LETM2: variants seen among roughly 807,000 people sequenced by gnomAD.
LETM2 encodes the protein leucine zipper and EF-hand containing transmembrane protein 2.
Under a neutral mutation model 59.6 loss-of-function variants are expected in LETM2, and 58 were observed. The observed-to-expected ratio is 0.97, with a 90% CI of 0.79 to 1.21. The LOEUF (loss-of-function observed/expected upper bound fraction) is 1.21. LETM2 is among the 50% of genes most tolerant of loss of function. The pLI is 0.00. For synonymous variants in LETM2, 199 were observed against 214.1 expected (o/e 0.93, Z 0.62); for missense variants, 572 against 575.7 (o/e 0.99, Z 0.07).
chr8:38,382,958 C>T (rs1028015118), upstream of LETM2: 2 of 152,178 alleles, frequency 1.3e-5, no homozygotes, highest in Non-Finnish European at 2.9e-5. The surrounding 1 kb of genome is among the most constrained non-coding windows in gnomAD (Gnocchi z 4.2). Flanking sequence ...GCCTCGACCT[C>T]CCCGGCAGGC....
intron 4 of LETM2, among the ~76,000 whole-genome samples, chr8:38,399,994 A>C (rs1813050790): frequency 6.6e-6 from 1 of 152,024 alleles, no homozygotes; most frequent in Admixed American, 6.6e-5. Context: ...TCTCGTGCTA[A>C]ATAATTATAA....
intron 2 of LETM2, among the ~76,000 whole-genome samples, chr8:38,390,208 G>A (rs566888726): frequency 3.0e-4 from 46 of 151,810 alleles, no homozygotes; most frequent in Admixed American, 8.5e-4. Context: ...ACCAAGCCAG[G>A]CATGGTGCAT....
chr8:38,404,783 T>C (rs2150452452), intron 8 of LETM2: 1 of 319,748 alleles, frequency 3.1e-6, no homozygotes, highest in Non-Finnish European at 6.0e-6. Context: ...AGTTTGAAAC[T>C]AGCCTGACCA....
At chr8:38,392,078 C>T (rs143629243) in intron 2 of LETM2, among the ~76,000 whole-genome samples, 24 of 152,266 alleles carry the variant, frequency 1.6e-4, no homozygotes, top group African/African-American at 5.1e-4. Flanking sequence ...ATAGGCAAGG[C>T]GGTATTATGT....
chr8:38,406,792 T>C, intron 8 of LETM2, 154 bp from the exon 9 acceptor site: 1 of 548,466 alleles, frequency 1.8e-6, no homozygotes, highest in East Asian at 2.8e-5. Context: ...AGGGGCATAT[T>C]TCATAGGTTA....
At chr8:38,384,878 G>C (rs1323343022), upstream of LETM2, among the ~76,000 whole-genome samples, 10 of 152,164 alleles carry the variant, frequency 6.6e-5, no homozygotes, top group Non-Finnish European at 1.2e-4. Context: ...ATATTTCCCC[G>C]TATAAAATGT....
chr8:38,403,757 T>A (rs1357691117), intron 7 of LETM2, among the ~76,000 whole-genome samples: 2 of 152,230 alleles, frequency 1.3e-5, no homozygotes, highest in African/African-American at 4.8e-5. Flanking sequence ...TAGAGAAAGA[T>A]CCTTAAAATC....
Position 38,402,606 on chromosome 8 carries a change from G to T in LETM2, c.1066G>T (p.Gly356Cys), listed in dbSNP as rs755785230. 1 of 1,614,004 alleles carries T rather than the reference G, an allele frequency of 6.2e-7. No individual in the cohort carries two copies. The highest frequency in any genetic ancestry group is 1.3e-5 in the African/African-American group (1 of 74,918). The change falls in exon 7 of 11, where the codon GGT becomes TGT. Residue 356 changes from glycine (G) to cysteine (C), a missense_variant. Coordinates refer to ENST00000379957, the MANE Select transcript of LETM2 (RefSeq NM_001286819.2). ...ACRARGMRSL[G>C]LTEEQLRQQL... is the part of the protein sequence containing the mutation. ...TAGGGCCCGAGGGATGAGATCACTGGGTCTCACGGAGGAACAACTGCGACA... is the reference window on the plus strand; with the variant it reads ...TAGGGCCCGAGGGATGAGATCACTGTGTCTCACGGAGGAACAACTGCGACA...
chr8:38,384,999 A>G (rs1293525556), upstream of LETM2, among the ~76,000 whole-genome samples: 1 of 152,218 alleles, frequency 6.6e-6, no homozygotes, highest in East Asian at 1.9e-4. Flanking sequence ...AACTACATCT[A>G]CCTTCTAGAG....
intron 2 of LETM2, 36 bp from the exon 3 acceptor site, chr8:38,392,506 T>G (rs764241907): frequency 2.5e-6 from 3 of 1,202,476 alleles, no homozygotes; most frequent in Non-Finnish European, 3.6e-6. Context: ...TGTAATAGTA[T>G]GTACTTAACT....
intron 2 of LETM2, 52 bp from the exon 3 acceptor site, chr8:38,392,490 G>A: frequency 2.9e-6 from 3 of 1,041,968 alleles, no homozygotes; most frequent in Non-Finnish European, 4.4e-6. Context: ...ATGATAGTGT[G>A]TGCTTTGTAA....
chr8:38,399,325 A>G (rs1298761877), intron 4 of LETM2, among the ~76,000 whole-genome samples: 1 of 152,124 alleles, frequency 6.6e-6, no homozygotes, highest in East Asian at 1.9e-4. Context: ...CACTTAACTC[A>G]CTGTATTGTA....
chr8:38,400,788 C>A, intron 5 of LETM2, 65 bp from the exon 6 acceptor site: 2 of 1,381,010 alleles, frequency 1.4e-6, no homozygotes, highest in Non-Finnish European at 1.0e-6. Flanking sequence ...TTTCAAATAG[C>A]CTATTGGGAA....
intron 8 of LETM2, among the ~76,000 whole-genome samples, chr8:38,406,088 GAT>G (rs1010959572): frequency 3.1e-4 from 47 of 152,234 alleles, no homozygotes; most frequent in African/African-American, 7.7e-4. Flanking sequence ...AAAGCACAGT[GAT>G]ATATGTTTTT....
At chr8:38,404,350 TG>T (rs1554538667) in intron 7 of LETM2, 42 bp from the exon 8 acceptor site, 1 of 1,339,682 alleles carries the variant, frequency 7.5e-7, no homozygotes, top group Non-Finnish European at 1.1e-6. Flanking sequence ...ACTCTGGCTC[TG>T]GTGTTCTGAT....
chr8:38,407,176 C>G, intron 9 of LETM2, 138 bp downstream of exon 9: 1 of 718,406 alleles, frequency 1.4e-6, no homozygotes, highest in Non-Finnish European at 2.4e-6. Context: ...ATTTATTGTA[C>G]TGTTTGATCT....
chr8:38,390,827 T>G (rs1417158151), intron 2 of LETM2, among the ~76,000 whole-genome samples: 9 of 149,000 alleles, frequency 6.0e-5, no homozygotes, highest in Admixed American at 1.3e-4. Context: ...GGACTACAGG[T>G]GCACTCCACC....
chr8:38,383,089 C>T (rs1426817184), upstream of LETM2: 8 of 152,240 alleles, frequency 5.3e-5, no homozygotes, highest in South Asian at 1.2e-3. Context: ...ACCGCGACGG[C>T]TCCGTGACCG....
chr8:38,401,135 AT>A (rs1243993903), intron 6 of LETM2, 82 bp downstream of exon 6: 2 of 1,195,848 alleles, frequency 1.7e-6, no homozygotes, highest in East Asian at 2.4e-5. Flanking sequence ...AGTGTGCAGT[AT>A]TTTTTGTTTT....
Sources: gnomAD v4.1 joint callset for allele counts (sites outside exome capture counted in the v4.1 genomes callset) on GRCh38, gnomAD v4.1.1 for gene constraint, Gnocchi (gnomAD v3.1) non-coding constraint, MANE v1.5 for transcripts, NCBI Gene and HGNC (gene_info 2026-07-23, HGNC 2026-07-21) for gene names.